CNTN6: variants seen among roughly 807,000 people sequenced by gnomAD.
The protein encoded by CNTN6 is contactin-6.
In CNTN6, 137 loss-of-function variants were observed where a neutral mutation model predicts 122.8. The observed-to-expected ratio is 1.12, with a 90% confidence interval of 0.97 to 1.29. The LOEUF is 1.29. Among genes scored for constraint, CNTN6 ranks in the 50% most tolerant of loss-of-function variants. The probability of loss-of-function intolerance (pLI) is 0.00; values close to 1 mark genes in which losing one functional copy is unlikely to be tolerated. For missense variants in CNTN6, 1,634 were observed against 1,223.4 expected, an observed-to-expected ratio of 1.34 and a Z score of -5.01; for synonymous variants, 570 against 426.0, an observed-to-expected ratio of 1.34 and a Z score of -4.16.
intron 1 of CNTN6, among the ~76,000 whole-genome samples, chr3:1,095,230 T>A (rs1268480468): frequency 6.6e-6 from 1 of 152,040 alleles, no homozygotes; most frequent in South Asian, 2.1e-4. Context: ...CCCAGCACTT[T>A]GGGAGGCCGA....
rs554258084 is a variant in CNTN6, at chr3:1,246,395, CAT to C, written c.358+18406_358+18407del. Reference sequence around the variant, plus strand: ...TAGCTGTAGTTCATTTTTCTGATCACATATAATATTTTATTGTATGAATATAA... The same window carrying C: ...TAGCTGTAGTTCATTTTTCTGATCACATAATATTTTATTGTATGAATATAA... On this transcript the variant is annotated intron_variant, in intron 4 of 22. Transcript: ENST00000446702. Among the ~76,000 whole-genome samples the C allele has an allele frequency of 1.7e-3, 265 of 152,250 alleles. 1 individual carries two copies. The highest frequency in any genetic ancestry group is 3.4e-3 in the Middle Eastern group (1 of 294).
Position 1,148,037 on chromosome 3 carries a change from T to A in CNTN6, c.29T>A (p.Leu10Gln). MRLLWKLVILLPLINSSAGD... is the reference protein window; with the variant it reads MRLLWKLVIQLPLINSSAGD... ...AGGTTGCTATGGAAACTGGTAATTC[T>A]GCTGCCACTCATAAACTCTTCTGCA... is the stretch of plus-strand genomic sequence containing the variant. Residue 10 changes from leucine to glutamine, a missense_variant, in exon 2 of 23, where the codon CTG becomes CAG. Coordinates refer to ENST00000446702, the MANE Select transcript of CNTN6 (RefSeq NM_001289080.2). 6.2e-7 allele frequency: 1 copy of A among 1,608,748 alleles called. No homozygotes were observed. Among genetic ancestry groups the A allele is most frequent in the Non-Finnish European group, 8.5e-7 (1 of 1,176,096 alleles).
intron 2 of CNTN6, chr3:1,173,377 C>G (rs754479004): frequency 2.3e-6 from 1 of 439,404 alleles, no homozygotes. Flanking sequence ...AGCATGTGCT[C>G]GATATTGAGC....
intron 12 of CNTN6, among the ~76,000 whole-genome samples, chr3:1,367,033 TTGA>T (rs1308681423): frequency 4.6e-5 from 7 of 152,208 alleles, no homozygotes; most frequent in Non-Finnish European, 7.3e-5. Flanking sequence ...AAATTTTTAA[TTGA>T]TGAATAGTAA....
At chr3:1,149,943 C>A (rs1204740766) in intron 2 of CNTN6, among the ~76,000 whole-genome samples, 1 of 152,120 alleles carries the variant, frequency 6.6e-6, no homozygotes. Flanking sequence ...CTTATATTAA[C>A]TTTTATTTAT....
intron 1 of CNTN6, among the ~76,000 whole-genome samples, chr3:1,107,085 C>T (rs1306741958): frequency 6.6e-6 from 1 of 152,050 alleles, no homozygotes; most frequent in Admixed American, 6.6e-5. Context: ...TTTACTGAGT[C>T]CCCTGACTCA....
chr3:1,174,557 CTCTT>C (rs927379742), intron 2 of CNTN6, among the ~76,000 whole-genome samples: 1 of 152,156 alleles, frequency 6.6e-6, no homozygotes, highest in African/African-American at 2.4e-5. Flanking sequence ...GAATCCATCT[CTCTT>C]TCTCTTTTCT....
chr3:1,340,925 G>C (rs1703792377), intron 11 of CNTN6, among the ~76,000 whole-genome samples: 1 of 151,902 alleles, frequency 6.6e-6, no homozygotes, highest in Non-Finnish European at 1.5e-5. Flanking sequence ...AGAACCTTAA[G>C]TTTCAAGTTG....
At chr3:1,336,047 T>C (rs1458925363) in intron 11 of CNTN6, among the ~76,000 whole-genome samples, 7 of 101,312 alleles carry the variant, frequency 6.9e-5, no homozygotes, top group African/African-American at 2.2e-4. Context: ...GAGACCCTGT[T>C]TCAAACAAAC....
At chr3:1,194,654 T>C (rs986901340) in intron 2 of CNTN6, among the ~76,000 whole-genome samples, 1 of 152,132 alleles carries the variant, frequency 6.6e-6, no homozygotes, top group Non-Finnish European at 1.5e-5. Context: ...CAATGAAATT[T>C]TGATACTGCA....
intron 16 of CNTN6, among the ~76,000 whole-genome samples, chr3:1,376,428 C>A (rs998105747): frequency 6.6e-6 from 1 of 152,086 alleles, no homozygotes; most frequent in Non-Finnish European, 1.5e-5. Flanking sequence ...GCATTCTTGA[C>A]AGGAGAAAAA....
intron 7 of CNTN6, among the ~76,000 whole-genome samples, chr3:1,305,115 T>A (rs1698142298): frequency 6.6e-6 from 1 of 152,102 alleles, no homozygotes; most frequent in African/African-American, 2.4e-5. Context: ...ATTTTATAGA[T>A]GATGATGGCA....
At chr3:1,359,089 A>G (rs1171485176) in intron 12 of CNTN6, among the ~76,000 whole-genome samples, 1 of 152,008 alleles carries the variant, frequency 6.6e-6, no homozygotes. Context: ...GAAGTCTTCT[A>G]TTGTATAATT....
rs879136617 is a variant in CNTN6, at chr3:1,385,505, GTCT to G, written c.2518-100_2518-98del. 11 of 811,116 alleles carry G rather than the reference GTCT, an allele frequency of 1.4e-5. No individual in the cohort carries two copies. In the South Asian group the frequency reaches 1.4e-4, roughly 10 times the overall value. The allele number at this position is 811,116 out of a possible 1,614,324, so 50.2% of individuals were successfully genotyped here. The stretch of plus-strand genomic sequence containing the variant: ...AAACGTTTTTGTCATCTATACTTCT[GTCT>G]TCTTCCCATATTCCTTGTGGTTGTG... On this transcript the variant is annotated intron_variant, in intron 19 of 22. Coordinates refer to ENST00000446702, the MANE Select transcript of CNTN6 (RefSeq NM_001289080.2).
At chr3:1,161,919 G>T (rs977205709) in intron 2 of CNTN6, among the ~76,000 whole-genome samples, 1 of 151,590 alleles carries the variant, frequency 6.6e-6, no homozygotes, top group Non-Finnish European at 1.5e-5. Context: ...TTTAGATTTT[G>T]ATATTTTATT....
intron 2 of CNTN6, among the ~76,000 whole-genome samples, chr3:1,174,391 A>G (rs866342460): frequency 1.3e-5 from 2 of 152,322 alleles, no homozygotes; most frequent in Middle Eastern, 3.4e-3. Flanking sequence ...ACAAAGGTAT[A>G]GAGGAGGTAT....
chr3:1,317,435 A>G (rs890220699), intron 7 of CNTN6, among the ~76,000 whole-genome samples: 1 of 151,816 alleles, frequency 6.6e-6, no homozygotes, highest in Non-Finnish European at 1.5e-5. Flanking sequence ...GCTTAAGAAA[A>G]AAATAATATA....
At chr3:1,324,835 G>A (rs1002308362) in intron 8 of CNTN6, among the ~76,000 whole-genome samples, 8 of 149,582 alleles carry the variant, frequency 5.3e-5, no homozygotes, top group Non-Finnish European at 1.2e-4. Flanking sequence ...TGGCTTCCCT[G>A]TTTTCTACCA....
At chr3:1,294,639 A>G (rs1695897063) in intron 5 of CNTN6, among the ~76,000 whole-genome samples, 1 of 152,174 alleles carries the variant, frequency 6.6e-6, no homozygotes, top group South Asian at 2.1e-4. Flanking sequence ...AGTAAAAACA[A>G]TGTGTGCCCT....
Sources: gnomAD v4.1 joint callset for allele counts (sites outside exome capture counted in the v4.1 genomes callset) on GRCh38, gnomAD v4.1.1 for gene constraint, MANE v1.5 for transcripts, NCBI Gene and HGNC (gene_info 2026-07-23, HGNC 2026-07-21) for gene names.